LRRC75A: variants seen among roughly 807,000 people sequenced by gnomAD.
LRRC75A encodes the protein leucine rich repeat containing 75A.
A neutral mutation model predicts 26.0 loss-of-function variants in LRRC75A; 12 were observed. That is an observed-to-expected ratio of 0.46 (90% CI 0.30 to 0.75). The LOEUF (loss-of-function observed/expected upper bound fraction) is 0.75, where lower values mean the gene tolerates loss of function less well. LRRC75A is among the 30% of genes least tolerant of loss of function. The pLI, the probability that LRRC75A is intolerant of heterozygous loss-of-function variation, is 0.08. For missense variants in LRRC75A, 410 were observed against 486.6 expected (o/e 0.84, Z 1.48); for synonymous variants, 223 against 219.3 (o/e 1.02, Z -0.15).
At chr17:16,489,184 C>T (rs558872224) in intron 1 of LRRC75A, among the ~76,000 whole-genome samples, 1 of 152,284 alleles carries the variant, frequency 6.6e-6, no homozygotes, top group African/African-American at 2.4e-5. Context: ...CTCCCGAGTC[C>T]CCACCAGCCA....
chr17:16,470,657 G>A (rs1159327377), intron 1 of LRRC75A: 1 of 152,226 alleles, frequency 6.6e-6, no homozygotes, highest in Non-Finnish European at 1.5e-5. Flanking sequence ...CCCAGGGGAG[G>A]GAAGGGAAAT....
chr17:16,479,809 A>G (rs905477481), intron 1 of LRRC75A, among the ~76,000 whole-genome samples: 4 of 152,220 alleles, frequency 2.6e-5, no homozygotes, highest in Admixed American at 2.0e-4. Flanking sequence ...CATCATTGTC[A>G]TGACCACCAC....
intron 1 of LRRC75A, among the ~76,000 whole-genome samples, chr17:16,484,910 G>T (rs867306585): frequency 6.6e-6 from 1 of 151,484 alleles, no homozygotes; most frequent in Middle Eastern, 3.2e-3. Flanking sequence ...AGCAGCAGCC[G>T]TCGGCAGAGC....
chr17:16,443,674 C>T lies in LRRC75A; in HGVS notation c.949G>A (p.Gly317Ser). 1.3e-6 allele frequency: 2 copies of T among 1,591,644 alleles called. No homozygotes were observed. Among genetic ancestry groups the T allele is most frequent in the Non-Finnish European group, 1.7e-6 (2 of 1,168,942 alleles). The change falls in exon 4 of 4, where the codon GGC becomes AGC. Residue 317 changes from glycine (G) to serine (S), a missense_variant. Physicochemically the swap from Gly to Ser is moderately conservative, Grantham distance 56. Transcript: ENST00000470794. Reference sequence around the variant, plus strand: ...GGGCCCCCTCCAGGGTCCTCCTGGCCTACTGTCCCTTCCCGGACCTCCTCC... The same window carrying T: ...GGGCCCCCTCCAGGGTCCTCCTGGCTTACTGTCCCTTCCCGGACCTCCTCC... ...SGEEVREGTV[G>S]QEDPGGGPVA...
intron 1 of LRRC75A, among the ~76,000 whole-genome samples, chr17:16,484,360 CA>C (rs761651433): frequency 8.3e-4 from 110 of 132,152 alleles, no homozygotes; most frequent in Non-Finnish European, 5.3e-4. Flanking sequence ...AACAAACAAA[CA>C]AAAAACAAAA....
intron 3 of LRRC75A, among the ~76,000 whole-genome samples, chr17:16,446,036 G>T (rs564637901): frequency 1.3e-5 from 2 of 152,216 alleles, no homozygotes; most frequent in Non-Finnish European, 2.9e-5. Context: ...AGCCTTCTGA[G>T]TAGCTGGGAT....
intron 2 of LRRC75A, among the ~76,000 whole-genome samples, chr17:16,455,176 G>A (rs1049597770): frequency 4.6e-5 from 7 of 152,092 alleles, no homozygotes; most frequent in East Asian, 1.9e-4. Flanking sequence ...CAGACGATCC[G>A]CCTGCCTCGG....
intron 2 of LRRC75A, among the ~76,000 whole-genome samples, chr17:16,456,192 A>T (rs62076293): frequency 0.28 from 27,136 of 95,912 alleles, 4,866 homozygotes; most frequent in African/African-American, 0.31. Context: ...GAAGAGGAGG[A>T]AGGAGGAGGA....
Position 16,491,701 on chromosome 17 carries a change from C to G in LRRC75A, c.246+44G>C, listed in dbSNP as rs1028424023. 7.8e-7 allele frequency: 1 copy of G among 1,274,536 alleles called. No homozygotes were observed. Among genetic ancestry groups the G allele is most frequent in the African/African-American group, 1.6e-5 (1 of 63,160 alleles). The allele number at this position is 1,274,536 out of a possible 1,614,324, so 79.0% of individuals were successfully genotyped here. A position where few individuals can be genotyped will look rare whatever the true frequency, so the allele number is the denominator to read the frequency against. Reference sequence around the variant, plus strand: ...GGGGCGCCCCCCCCGGCCCAGCACGCCCCCTGGCCCGGCGCGCCCCCCGCG... The same window carrying G: ...GGGGCGCCCCCCCCGGCCCAGCACGGCCCCTGGCCCGGCGCGCCCCCCGCG... On this transcript the variant is annotated intron_variant, in intron 1 of 3. Transcript: ENST00000470794. This position sits in a 1 kb window ranked among gnomAD's most constrained non-coding sequence, Gnocchi z 5.9.
At chr17:16,469,596 A>G (rs2093795256) in intron 1 of LRRC75A, among the ~76,000 whole-genome samples, 1 of 152,226 alleles carries the variant, frequency 6.6e-6, no homozygotes, top group Non-Finnish European at 1.5e-5. Context: ...AGAAGAGTCC[A>G]GCCCCAGGAT....
intron 1 of LRRC75A, among the ~76,000 whole-genome samples, chr17:16,471,489 C>T (rs1350292319): frequency 2.6e-5 from 4 of 152,308 alleles, no homozygotes; most frequent in South Asian, 4.1e-4. Flanking sequence ...GGCAAGTGGC[C>T]GGGACCCCTC....
chr17:16,485,232 A>G (rs944732787), intron 1 of LRRC75A, among the ~76,000 whole-genome samples: 1 of 152,192 alleles, frequency 6.6e-6, no homozygotes, highest in African/African-American at 2.4e-5. Flanking sequence ...TATGACAGTC[A>G]GTGCTGAAAG....
At chr17:16,450,541 G>T (rs2093623132) in intron 2 of LRRC75A, among the ~76,000 whole-genome samples, 1 of 152,244 alleles carries the variant, frequency 6.6e-6, no homozygotes. Context: ...ACTCCTGTGT[G>T]TCACTCTTGT....
At chr17:16,463,101 C>T (rs1002890210) in intron 1 of LRRC75A, 1 of 152,228 alleles carries the variant, frequency 6.6e-6, no homozygotes. Flanking sequence ...GAATATGGTA[C>T]CCTGGCATCT....
At chr17:16,477,565 C>A (rs1391613387) in intron 1 of LRRC75A, among the ~76,000 whole-genome samples, 1 of 152,236 alleles carries the variant, frequency 6.6e-6, no homozygotes, top group African/African-American at 2.4e-5. Flanking sequence ...CACCTCTCCA[C>A]GCTTGGCCAC....
At chr17:16,457,204 T>C (rs1399264822) in intron 2 of LRRC75A, among the ~76,000 whole-genome samples, 1 of 152,174 alleles carries the variant, frequency 6.6e-6, no homozygotes, top group Admixed American at 6.5e-5. Flanking sequence ...TGCCCTCCAT[T>C]CAAGGCTATC....
intron 2 of LRRC75A, among the ~76,000 whole-genome samples, chr17:16,449,611 T>TTTTAA (rs1180283162): frequency 3.3e-5 from 5 of 152,050 alleles, no homozygotes; most frequent in Admixed American, 2.0e-4. Context: ...CTCAGCTTTA[T>TTTTAA]TTTAATTTAA....
At chr17:16,453,322 ACACACG>A (rs1221590394) in intron 2 of LRRC75A, among the ~76,000 whole-genome samples, 15 of 139,382 alleles carry the variant, frequency 1.1e-4, no homozygotes, top group South Asian at 8.8e-4. Flanking sequence ...GCACACACGC[ACACACG>A]CACACGCACA....
At chr17:16,464,687 T>A (rs1302054733) in intron 1 of LRRC75A, among the ~76,000 whole-genome samples, 1 of 152,154 alleles carries the variant, frequency 6.6e-6, no homozygotes, top group East Asian at 1.9e-4. Flanking sequence ...CCTAGAAAAA[T>A]TCTGGAGTCA....
Sources: gnomAD v4.1 joint callset for allele counts (sites outside exome capture counted in the v4.1 genomes callset) on GRCh38, gnomAD v4.1.1 for gene constraint, Gnocchi (gnomAD v3.1) non-coding constraint, MANE v1.5 for transcripts, NCBI Gene and HGNC (gene_info 2026-07-23, HGNC 2026-07-21) for gene names.